MYH7B: variants seen among roughly 807,000 people sequenced by gnomAD.
MYH7B encodes myosin heavy chain 7B.
In MYH7B, 205 loss-of-function variants were observed where a neutral mutation model predicts 234.5. The ratio of observed to expected loss-of-function variants is 0.87; its 90% CI spans 0.78 to 0.98. The LOEUF is 0.98. Ranked by LOEUF, MYH7B falls within the 50% of genes least tolerant of loss-of-function variation. The pLI is 0.00. For synonymous variants in MYH7B, 1,193 were observed against 1,105.0 expected, an observed-to-expected ratio of 1.08 and a Z score of -1.58; for missense variants, 2,652 against 2,633.4, an observed-to-expected ratio of 1.01 and a Z score of -0.15.
chr20:35,000,796 A>G (rs952574871), exon 40 of MYH7B: 1 of 1,613,844 alleles, frequency 6.2e-7, no homozygotes, highest in Non-Finnish European at 8.5e-7. Flanking sequence ...CAGAAGAAGA[A>G]GCTGGAGGCG....
At chr20:34,996,376 C>A (rs767334412) in exon 29 of MYH7B, 2 of 1,606,204 alleles carry the variant, frequency 1.2e-6, no homozygotes, top group Non-Finnish European at 1.7e-6. Flanking sequence ...GATGGCTGCG[C>A]TGGACGAGTC....
rs1283620997 is a variant in MYH7B at position 34,979,389 on chromosome 20, G to C, written c.92-1G>C. ...AGTCCAGAGCTCTCTCTGCAACCCAGGGAAGAAGCGAGTCTGGGTGCCTGA... is the reference window on the plus strand; with the variant it reads ...AGTCCAGAGCTCTCTCTGCAACCCACGGAAGAAGCGAGTCTGGGTGCCTGA... On this transcript the variant is annotated splice_acceptor_variant, in intron 5 of 44. Transcript: ENST00000262873. LOFTEE classifies it high-confidence loss of function. 6.2e-7 allele frequency: 1 copy of C among 1,611,628 alleles called. No individual in the cohort carries two copies. The highest frequency in any genetic ancestry group is 8.5e-7 in the Non-Finnish European group (1 of 1,178,598).
intron 19 of MYH7B, 47 bp downstream of exon 19, chr20:34,988,309 G>T: frequency 6.3e-7 from 1 of 1,582,388 alleles, no homozygotes; most frequent in Non-Finnish European, 8.6e-7. Context: ...GGTGTGTGTG[G>T]TGAGCAAGCA....
intron 2 of MYH7B, among the ~76,000 whole-genome samples, chr20:34,973,514 G>C (rs1416454171): frequency 6.6e-6 from 1 of 152,310 alleles, no homozygotes; most frequent in African/African-American, 2.4e-5. Flanking sequence ...AAATCGGAAC[G>C]AACTTCAAAG....
chr20:34,975,574 T>C, intron 3 of MYH7B, 75 bp downstream of exon 3: 1 of 689,604 alleles, frequency 1.5e-6, no homozygotes, highest in Non-Finnish European at 2.7e-6. Flanking sequence ...ACTGCAGCCT[T>C]GACTGTAATG....
At chr20:34,996,613 C>T in exon 30 of MYH7B, 1 of 1,609,488 alleles carries the variant, frequency 6.2e-7, no homozygotes, top group Admixed American at 1.7e-5. Context: ...TGCTCTGCAG[C>T]TGGAATGCTC....
intron 16 of MYH7B, 27 bp downstream of exon 16, chr20:34,987,314 C>T (rs1569043590): frequency 2.5e-6 from 4 of 1,607,400 alleles, no homozygotes; most frequent in South Asian, 2.2e-5. Context: ...TGGCCTTCAA[C>T]TTGACCCAGA....
intron 2 of MYH7B, among the ~76,000 whole-genome samples, chr20:34,965,473 G>A (rs1387637292): frequency 6.6e-6 from 1 of 152,242 alleles, no homozygotes; most frequent in Non-Finnish European, 1.5e-5. Flanking sequence ...CACGCCAGGG[G>A]ACATGGCCCA....
chr20:34,983,293 CTTTTCTTTTTTT>C (rs1380392629), intron 10 of MYH7B, among the ~76,000 whole-genome samples: 51 of 100,324 alleles, frequency 5.1e-4, no homozygotes, highest in Non-Finnish European at 6.0e-4. Context: ...CTTTTCTTTT[CTTTTCTTTTTTT>C]TTTTTTTTTT....
chr20:34,999,226 G>A lies in MYH7B; in HGVS notation c.4361G>A (p.Arg1454Gln), dbSNP rs746855809. ...GCTGCTGCGCTGGACAAGAAGCAGCGGCACTTGGAACGGGCACTGGAGGAA... is the reference window on the plus strand; with the variant it reads ...GCTGCTGCGCTGGACAAGAAGCAGCAGCACTTGGAACGGGCACTGGAGGAA... The change falls in exon 36 of 45, where the codon CGG becomes CAG. Residue 1454 changes from arginine to glutamine, a missense_variant. By Grantham distance (43) the Arg-to-Gln change is conservative. Transcript: ENST00000262873. 4.0e-5 allele frequency: 65 copies of A among 1,610,766 alleles called. 1 individual carries two copies. The highest frequency in any genetic ancestry group is 1.6e-4 in the Middle Eastern group (1 of 6,080).
intron 3 of MYH7B, among the ~76,000 whole-genome samples, chr20:34,975,879 C>T (rs1362427192): frequency 6.6e-6 from 1 of 152,116 alleles, no homozygotes; most frequent in Non-Finnish European, 1.5e-5. Context: ...CCACCTCTGG[C>T]TAATTTTTTT....
rs752537381 is a variant in MYH7B, at chr20:34,990,810, G to A, written c.2050G>A (p.Glu684Lys). The stretch of plus-strand genomic sequence containing the variant: ...CTTCGTCCGCTGCATTGTCCCCAAC[G>A]AGAACAAAACCCCAGGTAGTCACCC... Residue 684 changes from glutamate (E) to lysine (K), a missense_variant, in exon 23 of 45, where the codon GAG (glutamate) becomes AAG (lysine). Glu to Lys is a moderately conservative substitution (Grantham distance 56). Coordinates refer to ENST00000262873, the Ensembl canonical transcript of MYH7B. 18 of 1,614,124 alleles carry A rather than the reference G, an allele frequency of 1.1e-5. No homozygotes were observed. Among genetic ancestry groups the A allele is most frequent in the Admixed American group, 8.3e-5 (5 of 60,012 alleles).
intron 10 of MYH7B, among the ~76,000 whole-genome samples, chr20:34,984,182 G>A (rs1431291065): frequency 6.6e-6 from 1 of 152,098 alleles, no homozygotes; most frequent in Non-Finnish European, 1.5e-5. Context: ...CGCACTGGTA[G>A]GTATACAGGC....
At chr20:34,997,158 G>T (rs1446126119) in exon 31 of MYH7B, 24 of 1,549,736 alleles carry the variant, frequency 1.5e-5, no homozygotes, top group Middle Eastern at 2.1e-4. Flanking sequence ...TGCAGAAGAA[G>T]ATCAAGGAGC....
chr20:34,970,839 G>A (rs1366914704), intron 2 of MYH7B, among the ~76,000 whole-genome samples: 1 of 152,106 alleles, frequency 6.6e-6, no homozygotes, highest in Admixed American at 6.5e-5. Flanking sequence ...GGACAACATC[G>A]AAAGAACAAG....
intron 16 of MYH7B, 68 bp from the exon 17 acceptor site, chr20:34,987,489 T>A: frequency 6.8e-7 from 1 of 1,465,916 alleles, no homozygotes; most frequent in South Asian, 1.2e-5. Context: ...AGCCCCAGGC[T>A]GAGGCAGTAG....
At chr20:34,999,317 G>T (rs771635212) in exon 36 of MYH7B, 1 of 1,577,390 alleles carries the variant, frequency 6.3e-7, no homozygotes, top group Admixed American at 1.8e-5. Flanking sequence ...CCCGTGGCCT[G>T]GGCACCGAGC....
At chr20:34,969,926 A>G (rs1270567661) in intron 2 of MYH7B, among the ~76,000 whole-genome samples, 1 of 152,078 alleles carries the variant, frequency 6.6e-6, no homozygotes, top group African/African-American at 2.4e-5. Context: ...AGTGTCAGGT[A>G]CTATTCTAAG....
intron 35 of MYH7B, 62 bp downstream of exon 35, chr20:34,998,977 C>T (rs1360477225): frequency 6.3e-7 from 1 of 1,584,342 alleles, no homozygotes; most frequent in Non-Finnish European, 8.6e-7. Context: ...CTGAGCCCCG[C>T]TGAGGGTGGG....
Sources: gnomAD v4.1 joint callset for allele counts (sites outside exome capture counted in the v4.1 genomes callset) on GRCh38, gnomAD v4.1.1 for gene constraint, MANE v1.5 for transcripts, NCBI Gene and HGNC (gene_info 2026-07-23, HGNC 2026-07-21) for gene names.